Variants in MYO9B observed in about 807,000 individuals in gnomAD.
The protein encoded by MYO9B is unconventional myosin-IXb.
MYO9B carries 71 observed loss-of-function variants against 229.5 expected under a neutral mutation model. The observed-to-expected ratio is 0.31, with a 90% confidence interval of 0.26 to 0.38. The LOEUF (loss-of-function observed/expected upper bound fraction) is 0.38. Among genes scored for constraint, MYO9B ranks in the 10% least tolerant of loss-of-function variants. The pLI, the probability that MYO9B is intolerant of heterozygous loss-of-function variation, is 1.00. For missense variants in MYO9B, 2,255 were observed against 2,920.5 expected (o/e 0.77, Z 5.25); for synonymous variants, 1,185 against 1,235.8 (o/e 0.96, Z 0.86).
At chr19:17,110,713 G>A (rs2057839539) in intron 2 of MYO9B, among the ~76,000 whole-genome samples, 1 of 152,094 alleles carries the variant, frequency 6.6e-6, no homozygotes, top group South Asian at 2.1e-4. Flanking sequence ...CCTGTGGCCC[G>A]GCCCACAGTG....
chr19:17,174,848 C>T (rs951573296), intron 13 of MYO9B, among the ~76,000 whole-genome samples: 28 of 151,738 alleles, frequency 1.8e-4, no homozygotes, highest in African/African-American at 5.8e-4. Flanking sequence ...GCAGGAGAAT[C>T]ACTTAAACCG....
intron 1 of MYO9B, among the ~76,000 whole-genome samples, chr19:17,087,024 C>T (rs1297818390): frequency 6.6e-6 from 1 of 152,272 alleles, no homozygotes; most frequent in East Asian, 1.9e-4. Flanking sequence ...TACCTCCTTG[C>T]TTTGTGGTGA....
chr19:17,168,160 C>T lies in MYO9B; in HGVS notation c.1793+96C>T, dbSNP rs543026617. The T allele has an allele frequency of 2.0e-6, 3 of 1,478,134 alleles. No homozygotes were observed. The Admixed American group carries it at 6.3e-5, about 31-fold the overall frequency. 91.6% of individuals were successfully genotyped at this position (1,478,134 alleles called of 1,614,324 possible). On this transcript the variant is annotated intron_variant, in intron 11 of 39. Coordinates refer to ENST00000682292, the MANE Select transcript of MYO9B (RefSeq NM_004145.4). ...GAGCCTTACCCCAAATCCAGACTTTCCCAAGAGCGCCTTTTTATTTTTGAG... is the reference window on the plus strand; with the variant it reads ...GAGCCTTACCCCAAATCCAGACTTTTCCAAGAGCGCCTTTTTATTTTTGAG...
At chr19:17,165,681 A>G (rs1210465040) in intron 10 of MYO9B, among the ~76,000 whole-genome samples, 1 of 152,154 alleles carries the variant, frequency 6.6e-6, no homozygotes, top group Non-Finnish European at 1.5e-5. Flanking sequence ...AGGTTGAGGC[A>G]GGTGGATCAC....
rs2057743288 is a variant in MYO9B at position 17,101,416 on chromosome 19, C to G, written c.-58-244C>G. ...TCCTGGCCTCAAGCGATCCTCCCAC[C>G]TTGGCCTCCTAAAGTGTTGGGATTA... On this transcript the variant is annotated intron_variant, in intron 1 of 39. Coordinates refer to ENST00000682292, the MANE Select transcript of MYO9B (RefSeq NM_004145.4). This position sits in a 1 kb window ranked among gnomAD's most constrained non-coding sequence, Gnocchi z 4.7. Among the ~76,000 whole-genome samples the G allele has an allele frequency of 6.6e-6, 1 of 152,108 alleles. No individual in the cohort carries two copies. The highest frequency in any genetic ancestry group is 1.5e-5 in the Non-Finnish European group (1 of 68,018).
In MYO9B at chr19:17,092,785, C is replaced by T. The variant is rs944498167; in HGVS notation, c.-58-8875C>T. Among the ~76,000 whole-genome samples the T allele has an allele frequency of 2.0e-5, 3 of 150,102 alleles. No individual in the cohort carries two copies. The East Asian group carries it at 5.9e-4, about 30-fold the overall frequency. The stretch of plus-strand genomic sequence containing the variant: ...TTTTTCATACCTGTGTCCTTGTATG[C>T]ATGTGCATGCATGTGAGTGTGTATA... On this transcript the variant is annotated intron_variant, in intron 1 of 39. Transcript: ENST00000682292.
At chr19:17,211,624 C>T in intron 38 of MYO9B, 23 bp from the exon 39 acceptor site, 2 of 1,572,868 alleles carry the variant, frequency 1.3e-6, no homozygotes, top group Non-Finnish European at 1.7e-6. Flanking sequence ...TGGCCTTGGA[C>T]ACCACTACCC....
rs7248508 is a variant in MYO9B at position 17,205,973 on chromosome 19, T to C, written c.5078T>C (p.Val1693Ala). The C allele has an allele frequency of 0.45, 703,500 of 1,561,746 alleles. 167,418 individuals are homozygous for C. Among genetic ancestry groups the C allele is most frequent in the East Asian group, 0.76 (33,384 of 44,164 alleles). The change falls in exon 32 of 40, where the codon GTT (valine) becomes GCT (alanine). Residue 1693 changes from valine (V) to alanine (A), a missense_variant. By Grantham distance (64) the Val-to-Ala change is moderately conservative (BLOSUM62 0). Coordinates refer to ENST00000682292, the MANE Select transcript of MYO9B (RefSeq NM_004145.4). The stretch of plus-strand genomic sequence containing the variant: ...CCGGCACTGCAGGGCGAGCCAGGCG[T>C]TGAGCCTGGCCACTTCGGCGTGTGC... ...YTYGRKGEPG[V>A]EPGHFGVCVD...
In MYO9B at chr19:17,121,083, C is replaced by G. The variant is rs192033869; in HGVS notation, c.840+18526C>G. Among the ~76,000 whole-genome samples the G allele has an allele frequency of 2.7e-3, 415 of 152,298 alleles. 3 individuals carry two copies. Among genetic ancestry groups the G allele is most frequent in the African/African-American group, 9.5e-3 (395 of 41,550 alleles). ...TTAGCCTCCCAAGTAGCTGGGACTA[C>G]AGGCGTGCACCACCACACCCAGCTA... is the stretch of plus-strand genomic sequence containing the variant. On this transcript the variant is annotated intron_variant, in intron 2 of 39. Transcript: ENST00000682292.
At chr19:17,097,230 A>G (rs2057701742) in intron 1 of MYO9B, among the ~76,000 whole-genome samples, 1 of 151,764 alleles carries the variant, frequency 6.6e-6, no homozygotes, top group African/African-American at 2.4e-5. Flanking sequence ...CTGAGGCAGT[A>G]GAGTTGGTTC....
intron 19 of MYO9B, among the ~76,000 whole-genome samples, chr19:17,189,618 C>T (rs2072958445): frequency 6.6e-6 from 1 of 151,502 alleles, no homozygotes; most frequent in Non-Finnish European, 1.5e-5. Flanking sequence ...GGCAAGACTC[C>T]GTCTCAAAAA....
At chr19:17,136,619 C>T (rs1412884730) in intron 2 of MYO9B, among the ~76,000 whole-genome samples, 1 of 144,712 alleles carries the variant, frequency 6.9e-6, no homozygotes, top group Non-Finnish European at 1.5e-5. Context: ...AGGTGGAGGC[C>T]AGGGACGCTG....
intron 15 of MYO9B, among the ~76,000 whole-genome samples, chr19:17,183,549 T>C (rs2072884180): frequency 6.6e-6 from 1 of 152,220 alleles, no homozygotes; most frequent in Non-Finnish European, 1.5e-5. Context: ...GACATCCGAA[T>C]GGCCCCCAGA....
intron 2 of MYO9B, among the ~76,000 whole-genome samples, chr19:17,134,082 T>G (rs1010255748): frequency 6.6e-6 from 1 of 152,002 alleles, no homozygotes; most frequent in Non-Finnish European, 1.5e-5. Context: ...TCTGTGAGTT[T>G]TTTTTTGGAC....
At chr19:17,135,477 T>G (rs2072257845) in intron 2 of MYO9B, among the ~76,000 whole-genome samples, 1 of 152,138 alleles carries the variant, frequency 6.6e-6, no homozygotes, top group African/African-American at 2.4e-5. Flanking sequence ...CCAGCCACCC[T>G]TGTGCTTTGA....
At chr19:17,194,395 T>C (rs2073018100) in intron 21 of MYO9B, among the ~76,000 whole-genome samples, 161 bp from the exon 22 acceptor site, 1 of 152,098 alleles carries the variant, frequency 6.6e-6, no homozygotes, top group Non-Finnish European at 1.5e-5. Flanking sequence ...CCTCCTTTCC[T>C]GATCGAGGAG....
At position 17,192,764 on chromosome 19, in the gene MYO9B, G is replaced by A. The variant is rs964154792; in HGVS notation, c.2830G>A (p.Glu944Lys). The change falls in exon 21 of 40, where the codon GAG becomes AAG. Residue 944 changes from glutamate (E) to lysine (K), a missense_variant. Physicochemically the swap from Glu to Lys is moderately conservative, Grantham distance 56. This residue lies in a region of MYO9B where 679 missense variants were observed against 770.2 expected (regional missense o/e 0.88). Coordinates refer to ENST00000682292, the MANE Select transcript of MYO9B (RefSeq NM_004145.4). ...CCACCAGGTCTTCCTGAAGGAGACG[G>A]AGCGGCAAGCCCTGCAGGAGACGCT... ...GKTKVFLKETERQALQETLHR... is the reference protein window; with the variant it reads ...GKTKVFLKETKRQALQETLHR... 1.3e-6 allele frequency: 2 copies of A among 1,549,456 alleles called. No individual in the cohort carries two copies. The highest frequency in any genetic ancestry group is 1.4e-5 in the African/African-American group (1 of 73,204).
intron 3 of MYO9B, among the ~76,000 whole-genome samples, chr19:17,147,807 C>T (rs1055156296): frequency 4.7e-5 from 6 of 128,174 alleles, no homozygotes; most frequent in African/African-American, 9.2e-5. Context: ...TGCCTCAGCT[C>T]GAGTAGCTGG....
At chr19:17,141,958 C>CT (rs1396288094) in intron 2 of MYO9B, among the ~76,000 whole-genome samples, 1 of 152,132 alleles carries the variant, frequency 6.6e-6, no homozygotes, top group Non-Finnish European at 1.5e-5. Context: ...GGAAGGATCG[C>CT]TTGAGGCCGG....
Sources: gnomAD v4.1 joint callset for allele counts (sites outside exome capture counted in the v4.1 genomes callset) on GRCh38, gnomAD v4.1.1 for gene constraint, gnomAD v4.1.1 regional missense constraint, Gnocchi (gnomAD v3.1) non-coding constraint, MANE v1.5 for transcripts, NCBI Gene and HGNC (gene_info 2026-07-23, HGNC 2026-07-21) for gene names.